The following TOM1L2 variants were observed in gnomAD, a reference collection of about 807,000 sequenced individuals.
The protein encoded by TOM1L2 is target of myb1 like 2 membrane trafficking protein.
In TOM1L2, 31 loss-of-function variants were observed where a neutral mutation model predicts 67.9. The observed-to-expected ratio is 0.46, with a 90% CI of 0.34 to 0.62. The LOEUF (loss-of-function observed/expected upper bound fraction) is 0.62, where lower values mean the gene tolerates loss of function less well. Ranked by LOEUF, TOM1L2 falls within the 20% of genes least tolerant of loss-of-function variation. TOM1L2 has a pLI of 0.01. For synonymous variants in TOM1L2, 256 were observed against 254.0 expected, an observed-to-expected ratio of 1.01 and a Z score of -0.07; for missense variants, 606 against 663.5, an observed-to-expected ratio of 0.91 and a Z score of 0.95.
chr17:17,962,910 G>C (rs368984208), intron 1 of TOM1L2, among the ~76,000 whole-genome samples: 1 of 151,506 alleles, frequency 6.6e-6, no homozygotes, highest in African/African-American at 2.4e-5. Flanking sequence ...GCAATGAGCC[G>C]AGGTCGTGCC....
At position 17,893,561 on chromosome 17, in the gene TOM1L2, AT is replaced by A. The variant is rs925790769; in HGVS notation, c.366+99del. ...AAATATTTTAAATGTAGAAGTCTCC[AT>A]TTTTTTTTTCCTCCAAATGGTGGGA... is the stretch of plus-strand genomic sequence containing the variant. On this transcript the variant is annotated intron_variant, in intron 4 of 14. Transcript: ENST00000379504. The A allele has an allele frequency of 3.4e-3, 3,574 of 1,053,234 alleles. 1 individual carries two copies. Among genetic ancestry groups the A allele is most frequent in the Middle Eastern group, 5.6e-3 (25 of 4,498 alleles). 65.2% of individuals were successfully genotyped at this position (1,053,234 alleles called of 1,614,324 possible). A position where few individuals can be genotyped will look rare whatever the true frequency, so the allele number is the denominator to read the frequency against.
intron 1 of TOM1L2, among the ~76,000 whole-genome samples, chr17:17,910,366 C>T (rs1224907315): frequency 2.6e-5 from 4 of 152,136 alleles, no homozygotes; most frequent in Non-Finnish European, 4.4e-5. Context: ...TCCCCAGTGC[C>T]CAGCACTTGG....
Position 17,959,411 on chromosome 17 carries a change from C to T in TOM1L2, c.52+12851G>A, listed in dbSNP as rs181658867. Among the ~76,000 whole-genome samples, 155 of 152,338 alleles carry T rather than the reference C, an allele frequency of 1.0e-3. 1 individual carries two copies. Among genetic ancestry groups the T allele is most frequent in the African/African-American group, 3.5e-3 (145 of 41,574 alleles). On this transcript the variant is annotated intron_variant, in intron 1 of 14. Coordinates refer to ENST00000379504, the MANE Select transcript of TOM1L2 (RefSeq NM_001082968.2). ...TGTCAGAAATGTCATACATCACAGACACCCTCTCTGGCCTTGTTTCCACAA... is the reference window on the plus strand; with the variant it reads ...TGTCAGAAATGTCATACATCACAGATACCCTCTCTGGCCTTGTTTCCACAA...
intron 1 of TOM1L2, among the ~76,000 whole-genome samples, chr17:17,942,019 T>A (rs1372693960): frequency 6.6e-6 from 1 of 152,218 alleles, no homozygotes; most frequent in Non-Finnish European, 1.5e-5. Flanking sequence ...CTGATGTGCA[T>A]GAACTTTTTA....
chr17:17,924,045 G>A (rs1190377808), intron 1 of TOM1L2, among the ~76,000 whole-genome samples: 2 of 151,974 alleles, frequency 1.3e-5, no homozygotes, highest in Admixed American at 6.6e-5. Flanking sequence ...GGCTGAGGCA[G>A]GAGAATTACT....
intron 4 of TOM1L2, among the ~76,000 whole-genome samples, chr17:17,890,145 T>G (rs2038200363): frequency 6.6e-6 from 1 of 152,184 alleles, no homozygotes; most frequent in African/African-American, 2.4e-5. Flanking sequence ...AAGTACTTTC[T>G]TTCTCAAAGG....
At chr17:17,895,787 T>TC (rs1361090248) in intron 3 of TOM1L2, among the ~76,000 whole-genome samples, 1 of 152,132 alleles carries the variant, frequency 6.6e-6, no homozygotes, top group African/African-American at 2.4e-5. Flanking sequence ...GATTTATTGT[T>TC]CCCCCCTTTG....
intron 1 of TOM1L2, among the ~76,000 whole-genome samples, chr17:17,922,745 G>A (rs978282415): frequency 3.3e-5 from 5 of 152,202 alleles, no homozygotes; most frequent in Non-Finnish European, 7.3e-5. Flanking sequence ...TAGTGAGGGC[G>A]CAATAAATAT....
rs1449025584 is a variant in TOM1L2 at position 17,945,017 on chromosome 17, C to T, written c.52+27245G>A. Reference sequence around the variant, plus strand: ...TGCCGCCGCCACACTAATCCTTCATCCTCCGGGGCCAATGGAAATGTAGGA... The same window carrying T: ...TGCCGCCGCCACACTAATCCTTCATTCTCCGGGGCCAATGGAAATGTAGGA... On this transcript the variant is annotated intron_variant, in intron 1 of 14. Coordinates refer to ENST00000379504, the MANE Select transcript of TOM1L2 (RefSeq NM_001082968.2). Among the ~76,000 whole-genome samples, 5 of 152,324 alleles carry T rather than the reference C, an allele frequency of 3.3e-5. No homozygotes were observed. The East Asian group carries it at 5.8e-4, about 18-fold the overall frequency.
At chr17:17,872,332 A>T (rs2037194753) in intron 7 of TOM1L2, among the ~76,000 whole-genome samples, 1 of 152,274 alleles carries the variant, frequency 6.6e-6, no homozygotes, top group Non-Finnish European at 1.5e-5. Flanking sequence ...TAAAATAATT[A>T]TAGTATTTCT....
chr17:17,893,062 T>A (rs2038376072), intron 4 of TOM1L2, among the ~76,000 whole-genome samples: 1 of 152,266 alleles, frequency 6.6e-6, no homozygotes, highest in Non-Finnish European at 1.5e-5. Context: ...ATTTTCCGTT[T>A]GAAGGTATGT....
chr17:17,880,301 C>T (rs1304090826), intron 6 of TOM1L2, among the ~76,000 whole-genome samples: 29 of 152,186 alleles, frequency 1.9e-4, no homozygotes, highest in Admixed American at 1.9e-3. Context: ...GGGAAGACGA[C>T]AGGGGAGACA....
chr17:17,955,869 G>C (rs1005539513), intron 1 of TOM1L2, among the ~76,000 whole-genome samples: 2 of 152,182 alleles, frequency 1.3e-5, no homozygotes, highest in African/African-American at 4.8e-5. Flanking sequence ...GGCTTCAAGA[G>C]TGAAGCTGCA....
intron 1 of TOM1L2, among the ~76,000 whole-genome samples, chr17:17,950,465 T>A (rs895674968): frequency 6.6e-6 from 1 of 151,528 alleles, no homozygotes; most frequent in Non-Finnish European, 1.5e-5. Flanking sequence ...AGCCTCTCTT[T>A]TTTTTTTTTT....
Position 17,862,810 on chromosome 17 carries a change from G to A in TOM1L2, c.1123C>T (p.Leu375Phe). The change falls in exon 11 of 15, where the codon CTC becomes TTC. Residue 375 changes from leucine to phenylalanine, a missense_variant. Leu to Phe is a conservative substitution (Grantham distance 22). Around this residue, in one of 2 missense-constraint regions of TOM1L2, gnomAD observed 543 missense variants for 554.0 expected, o/e 0.98. Coordinates refer to ENST00000379504, the MANE Select transcript of TOM1L2 (RefSeq NM_001082968.2). ...TESVSGTLSS[L>F]QQCNPRDGFD... ...CCGTCACGGGGATTACATTGCTGGA[G>A]TGAACTGAGGGTGCCACTGACGCTC... 3 of 1,614,214 alleles carry A rather than the reference G, an allele frequency of 1.9e-6. No individual in the cohort carries two copies. The highest frequency in any genetic ancestry group is 2.5e-6 in the Non-Finnish European group (3 of 1,180,038).
chr17:17,972,298 C>T lies in TOM1L2; in HGVS notation c.16G>A (p.Gly6Arg). 2 of 1,551,910 alleles carry T rather than the reference C, an allele frequency of 1.3e-6. No homozygotes were observed. Among genetic ancestry groups the T allele is most frequent in the Non-Finnish European group, 1.7e-6 (2 of 1,148,348 alleles). ...CCCACTGGTGTGCTGAACGGGTTCC[C>T]CAGGAGGAACTCCATCTTGGGTGGA... MEFLL[G>R]NPFSTPVGQC... The change falls in exon 1 of 15, where the codon GGG becomes AGG. Residue 6 changes from glycine (G) to arginine (R), a missense_variant. Physicochemically the swap from Gly to Arg is moderately radical, Grantham distance 125 (BLOSUM62 -2). Transcript: ENST00000379504.
At chr17:17,950,063 G>A (rs2144885010) in intron 1 of TOM1L2, among the ~76,000 whole-genome samples, 1 of 152,050 alleles carries the variant, frequency 6.6e-6, no homozygotes, top group Middle Eastern at 3.4e-3. Flanking sequence ...TAGTAGAGAT[G>A]GGGTTTCACC....
chr17:17,868,429 G>A (rs981067788), intron 8 of TOM1L2, among the ~76,000 whole-genome samples: 3 of 152,218 alleles, frequency 2.0e-5, no homozygotes, highest in Non-Finnish European at 4.4e-5. Context: ...CCAGGTCCTT[G>A]TCCTCCTGAT....
intron 12 of TOM1L2, among the ~76,000 whole-genome samples, chr17:17,855,738 A>C (rs1414037501): frequency 2.0e-5 from 3 of 152,176 alleles, no homozygotes; most frequent in Admixed American, 2.0e-4. Flanking sequence ...TCAATGTAAC[A>C]AGAACAATTT....
Sources: gnomAD v4.1 joint callset for allele counts (sites outside exome capture counted in the v4.1 genomes callset) on GRCh38, gnomAD v4.1.1 for gene constraint, gnomAD v4.1.1 regional missense constraint, MANE v1.5 for transcripts, NCBI Gene and HGNC (gene_info 2026-07-23, HGNC 2026-07-21) for gene names.